Variants in CHRNA4 observed in about 807,000 individuals in gnomAD.
CHRNA4 encodes neuronal acetylcholine receptor subunit alpha-4.
Under a neutral mutation model 48.9 loss-of-function variants are expected in CHRNA4, and 28 were observed. The ratio of observed to expected loss-of-function variants is 0.57; its 90% CI spans 0.42 to 0.79. The LOEUF (loss-of-function observed/expected upper bound fraction) is 0.79. Among genes scored for constraint, CHRNA4 ranks in the 30% least tolerant of loss-of-function variants. The probability of loss-of-function intolerance (pLI) is 0.00; values close to 1 mark genes in which losing one functional copy is unlikely to be tolerated. For missense variants in CHRNA4, 859 were observed against 898.4 expected, an observed-to-expected ratio of 0.96 and a Z score of 0.56; for synonymous variants, 425 against 402.3, an observed-to-expected ratio of 1.06 and a Z score of -0.68.
chr20:63,351,632 G>A (rs1158675307), intron 4 of CHRNA4, among the ~76,000 whole-genome samples: 3 of 152,220 alleles, frequency 2.0e-5, no homozygotes, highest in Non-Finnish European at 4.4e-5. Context: ...TGAGCATGAG[G>A]ACACCAGGGG....
At position 63,361,242 on chromosome 20, in the gene CHRNA4, T is replaced by A; in HGVS notation, c.-77A>T. On this transcript the variant is annotated 5_prime_UTR_variant, in exon 1 of 6. It adds an upstream start codon to the 5' untranslated region. Coordinates refer to ENST00000370263, the MANE Select transcript of CHRNA4 (RefSeq NM_000744.7). ...GCTTCGAGGCCCGTGCGCGCCCAAC[T>A]TCATGCCTCCCGCGCCTCGCGGGCC... 7.0e-7 allele frequency: 1 copy of A among 1,431,110 alleles called. No individual in the cohort carries two copies. Among genetic ancestry groups the A allele is most frequent in the South Asian group, 1.4e-5 (1 of 72,254 alleles). The allele number at this position is 1,431,110 out of a possible 1,614,324, so 88.7% of individuals were successfully genotyped here.
intron 2 of CHRNA4, chr20:63,356,741 T>G (rs980879545): frequency 4.2e-6 from 2 of 470,614 alleles, no homozygotes; most frequent in Non-Finnish European, 7.9e-6. Flanking sequence ...CCTTGCTCCC[T>G]CCCGGCCCTT....
chr20:63,346,226 G>A lies in CHRNA4; in HGVS notation c.*512C>T, dbSNP rs2068492306. The A allele has an allele frequency of 6.6e-6, 3 of 454,178 alleles. No individual in the cohort carries two copies. The highest frequency in any genetic ancestry group is 4.0e-5 in the African/African-American group (2 of 50,004). The allele number at this position is 454,178 out of a possible 1,614,324, so 28.1% of individuals were successfully genotyped here. ...AGCGCTGCTGGCTCACCCTCATGGG[G>A]CCCGAGAGGCTCAAGGACCCTGGGG... On this transcript the variant is annotated 3_prime_UTR_variant, in exon 6 of 6. Transcript: ENST00000370263.
chr20:63,360,031 C>T (rs1168201893), intron 1 of CHRNA4: 3 of 370,528 alleles, frequency 8.1e-6, no homozygotes, highest in South Asian at 2.3e-5. Flanking sequence ...CCTCAGCCCA[C>T]GGAGGCCTTC....
chr20:63,345,366 T>A lies in CHRNA4; in HGVS notation c.*1372A>T. 1 of 439,536 alleles carries A rather than the reference T, an allele frequency of 2.3e-6. No individual in the cohort carries two copies. The highest frequency in any genetic ancestry group is 4.6e-6 in the Non-Finnish European group (1 of 217,236). The allele number at this position is 439,536 out of a possible 1,614,324, so 27.2% of individuals were successfully genotyped here. A position where few individuals can be genotyped will look rare whatever the true frequency, so the allele number is the denominator to read the frequency against. ...TCACTCACAGGCAGGGGACACGCCATCCTGGCCCCGCCCCTCTGGGCCCTT... is the reference window on the plus strand; with the variant it reads ...TCACTCACAGGCAGGGGACACGCCAACCTGGCCCCGCCCCTCTGGGCCCTT... On this transcript the variant is annotated 3_prime_UTR_variant, in exon 6 of 6. Transcript: ENST00000370263. The surrounding 1 kb of genome is among the most constrained non-coding windows in gnomAD (Gnocchi z 5.4).
In CHRNA4 at chr20:63,350,293, T is replaced by A; in HGVS notation, c.1118A>T (p.Glu373Val). 1 of 1,612,770 alleles carries A rather than the reference T, an allele frequency of 6.2e-7. No homozygotes were observed. Among genetic ancestry groups the A allele is most frequent in the Non-Finnish European group, 8.5e-7 (1 of 1,179,912 alleles). Residue 373 changes from glutamate to valine, a missense_variant, in exon 5 of 6, where the codon GAG (glutamate) becomes GTG (valine). Physicochemically the swap from Glu to Val is moderately radical, Grantham distance 121. Around this residue, in one of 3 missense-constraint regions of CHRNA4, gnomAD observed 478 missense variants for 455.4 expected, o/e 1.05. Coordinates refer to ENST00000370263, the MANE Select transcript of CHRNA4 (RefSeq NM_000744.7). ...GGCACTGGCCATCTTATGCATGGAC[T>A]CGATGAGCCGCCGGCAATTGTCCTT... ...VVKDNCRRLIESMHKMASAPR... is the reference protein window; with the variant it reads ...VVKDNCRRLIVSMHKMASAPR...
intron 2 of CHRNA4, among the ~76,000 whole-genome samples, chr20:63,358,565 G>A (rs2068753433): frequency 6.6e-6 from 1 of 152,246 alleles, no homozygotes; most frequent in Admixed American, 6.5e-5. Context: ...GGATTTGGCA[G>A]CAGGGCTGGA....
intron 2 of CHRNA4, 38 bp downstream of exon 2, chr20:63,359,510 C>T (rs944751923): frequency 7.4e-6 from 12 of 1,612,106 alleles, no homozygotes; most frequent in Admixed American, 1.7e-5. Context: ...TGCAGGGCGA[C>T]CTCAGTCACA....
In CHRNA4 at chr20:63,349,642, G is replaced by A. The variant is rs45442394; in HGVS notation, c.1758+11C>T. 90,154 of 1,612,614 alleles carry A rather than the reference G, an allele frequency of 0.056. 2,799 individuals are homozygous for A. Among genetic ancestry groups the A allele is most frequent in the Non-Finnish European group, 0.064 (76,039 of 1,179,830 alleles). ...TCAGAGGCGCCCAACACAGCCATGG[G>A]CGGGACTTACCGAGAAGTCTGTGTC... is the stretch of plus-strand genomic sequence containing the variant. On this transcript the variant is annotated intron_variant, in intron 5 of 5. Coordinates refer to ENST00000370263, the MANE Select transcript of CHRNA4 (RefSeq NM_000744.7).
At chr20:63,352,936 C>T (rs1568813825) in intron 4 of CHRNA4, among the ~76,000 whole-genome samples, 2 of 152,198 alleles carry the variant, frequency 1.3e-5, no homozygotes, top group Admixed American at 1.3e-4. Context: ...AGGAGAACCC[C>T]GTTTGGGCTG....
Position 63,346,523 on chromosome 20 carries a change from C to T in CHRNA4, c.*215G>A. 1.4e-6 allele frequency: 1 copy of T among 740,182 alleles called. No individual in the cohort carries two copies. Among genetic ancestry groups the T allele is most frequent in the Non-Finnish European group, 2.3e-6 (1 of 426,224 alleles). The allele number at this position is 740,182 out of a possible 1,614,324, so 45.9% of individuals were successfully genotyped here. ...TGCTCCAAGCCACTGCCTCCTGAGG[C>T]CACAGTCCAACTGGAAGCAGCTCCA... On this transcript the variant is annotated 3_prime_UTR_variant, in exon 6 of 6. Coordinates refer to ENST00000370263, the MANE Select transcript of CHRNA4 (RefSeq NM_000744.7).
At chr20:63,356,242 G>A in intron 3 of CHRNA4, 129 bp downstream of exon 3, 1 of 853,776 alleles carries the variant, frequency 1.2e-6, no homozygotes, top group Non-Finnish European at 1.8e-6. Flanking sequence ...GGGTGGGGCA[G>A]CAGGGTGAGG....
intron 5 of CHRNA4, among the ~76,000 whole-genome samples, chr20:63,347,329 C>A (rs1306246261): frequency 6.6e-6 from 1 of 152,100 alleles, no homozygotes; most frequent in Admixed American, 6.5e-5. Context: ...GCACAGAGGG[C>A]GGACGAAAGC....
In CHRNA4 at chr20:63,346,436, A is replaced by T; in HGVS notation, c.*302T>A. On this transcript the variant is annotated 3_prime_UTR_variant, in exon 6 of 6. Transcript: ENST00000370263. ...GTGAGTTCCATCTGCAGGGGAGCTC[A>T]GGAGACTCTTGAACTGGACTTAGCC... is the stretch of plus-strand genomic sequence containing the variant. 1.7e-6 allele frequency: 1 copy of T among 572,130 alleles called. No homozygotes were observed. Among genetic ancestry groups the T allele is most frequent in the Non-Finnish European group, 3.3e-6 (1 of 302,826 alleles). The allele number at this position is 572,130 out of a possible 1,614,324, so 35.4% of individuals were successfully genotyped here. A position where few individuals can be genotyped will look rare whatever the true frequency, so the allele number is the denominator to read the frequency against.
intron 4 of CHRNA4, chr20:63,355,666 G>C (rs1187960136): frequency 1.5e-5 from 17 of 1,111,784 alleles, no homozygotes; most frequent in Non-Finnish European, 1.7e-5. Flanking sequence ...GGTCCAGGCA[G>C]GGACACTGTG....
In CHRNA4 at chr20:63,350,142, C is replaced by G. The variant is rs199916140; in HGVS notation, c.1269G>C (p.Lys423Asn). ...GAGGAGGGAGCTGGTCGGAGGGTGACTTGCAGGAAGGCCCAGGCTCAGCCG... is the reference window on the plus strand; with the variant it reads ...GAGGAGGGAGCTGGTCGGAGGGTGAGTTGCAGGAAGGCCCAGGCTCAGCCG... ...DVPAEPGPSC[K>N]SPSDQLPPQQ... The change falls in exon 5 of 6, where the codon AAG (lysine) becomes AAC (asparagine). Residue 423 changes from lysine to asparagine, a missense_variant. Transcript: ENST00000370263. 2.6e-5 allele frequency: 41 copies of G among 1,571,394 alleles called. No homozygotes were observed. The African/African-American group carries it at 4.3e-4, about 17-fold the overall frequency.
chr20:63,349,380 G>A lies in CHRNA4; in HGVS notation c.1758+273C>T, dbSNP rs544250428. 4.0e-4 allele frequency: 226 copies of A among 569,334 alleles called. 1 individual carries two copies. Among genetic ancestry groups the A allele is most frequent in the African/African-American group, 2.5e-3 (135 of 53,406 alleles). The allele number at this position is 569,334 out of a possible 1,614,324, so 35.3% of individuals were successfully genotyped here. ...GCTGCCTGTGGCCCCTCACCGTGCC[G>A]TCCGCCGAGGCCCACTGTGTCCCAA... On this transcript the variant is annotated intron_variant, in intron 5 of 5. Coordinates refer to ENST00000370263, the MANE Select transcript of CHRNA4 (RefSeq NM_000744.7).
In CHRNA4 at chr20:63,345,921, T is replaced by G. The variant is rs199990492; in HGVS notation, c.*817A>C. 1 of 453,780 alleles carries G rather than the reference T, an allele frequency of 2.2e-6. No homozygotes were observed. The highest frequency in any genetic ancestry group is 2.0e-5 in the African/African-American group (1 of 49,992). The allele number at this position is 453,780 out of a possible 1,614,324, so 28.1% of individuals were successfully genotyped here. A position where few individuals can be genotyped will look rare whatever the true frequency, so the allele number is the denominator to read the frequency against. On this transcript the variant is annotated 3_prime_UTR_variant, in exon 6 of 6. Coordinates refer to ENST00000370263, the MANE Select transcript of CHRNA4 (RefSeq NM_000744.7). This position sits in a 1 kb window ranked among gnomAD's most constrained non-coding sequence, Gnocchi z 5.4. ...AGGGGCTGAAGCCACTAGGCCCCCG[T>G]GGAGCCCTGGCCACCTGCCAGAGCC...
rs148816386 is a variant in CHRNA4, at chr20:63,343,639, C to CG, written c.*3098dup. Reference sequence around the variant, plus strand: ...CCACGTCGCCCCAGGCCGGGCCACACGGGAAGCACCCAGGCCGGTCCGGAG... The same window carrying CG: ...CCACGTCGCCCCAGGCCGGGCCACACGGGGAAGCACCCAGGCCGGTCCGGAG... On this transcript the variant is annotated 3_prime_UTR_variant, in exon 6 of 6. Coordinates refer to ENST00000370263, the MANE Select transcript of CHRNA4 (RefSeq NM_000744.7). The CG allele has an allele frequency of 0.048, 21,506 of 452,102 alleles. 682 individuals carry two copies. The highest frequency in any genetic ancestry group is 0.092 in the Middle Eastern group (132 of 1,434). The allele number at this position is 452,102 out of a possible 1,614,324, so 28.0% of individuals were successfully genotyped here.
Sources: allele counts gnomAD v4.1 joint callset (sites outside exome capture counted in the v4.1 genomes callset), GRCh38; gene constraint gnomAD v4.1.1; regional missense constraint gnomAD v4.1.1; non-coding constraint Gnocchi (gnomAD v3.1); transcripts MANE v1.5; gene names NCBI Gene and HGNC (gene_info 2026-07-23, HGNC 2026-07-21).